The following POU3F3 variants were observed in gnomAD, a reference collection of about 807,000 sequenced individuals.
POU3F3 encodes the protein POU domain, class 3, transcription factor 3.
A neutral mutation model predicts 8.6 loss-of-function variants in POU3F3; 1 was observed. The ratio of observed to expected loss-of-function variants is 0.12; its 90% CI spans 0.04 to 0.55. The LOEUF (loss-of-function observed/expected upper bound fraction) is 0.55. POU3F3 is among the 20% of genes least tolerant of loss of function. The probability of loss-of-function intolerance (pLI) is 0.91; values close to 1 mark genes in which losing one functional copy is unlikely to be tolerated. For missense variants in POU3F3, 577 were observed against 690.7 expected, an observed-to-expected ratio of 0.84 and a Z score of 1.84; for synonymous variants, 418 against 327.4, an observed-to-expected ratio of 1.28 and a Z score of -2.99.
At chr2:104,912,209 A>G in the POU3F3 span, among the ~76,000 whole-genome samples, 22 of 152,228 alleles carry the variant, frequency 1.4e-4, no homozygotes, top group African/African-American at 4.6e-4. Context: ...GCAAGCATCA[A>G]GCACAGAACC....
chr2:104,872,619 G>T, the POU3F3 span: 2 of 262,852 alleles, frequency 7.6e-6, no homozygotes, highest in South Asian at 3.5e-5. The surrounding 1 kb of genome is among the most constrained non-coding windows in gnomAD (Gnocchi z 4.6). Context: ...CTCGGCGCGC[G>T]CGGAAACCCA....
rs1332871551 is a variant in POU3F3, at chr2:104,857,802, C to T, written c.*789C>T. On this transcript the variant is annotated 3_prime_UTR_variant, in exon 1 of 1. Coordinates refer to ENST00000361360, the MANE Select transcript of POU3F3 (RefSeq NM_006236.3). ...ATTGACAGCTTCTGAAACTAACAGA[C>T]TGAATAGCAAAGCCAAAAGAAAAGT... The T allele has an allele frequency of 6.6e-6, 1 of 152,230 alleles. No individual in the cohort carries two copies. The highest frequency in any genetic ancestry group is 1.5e-5 in the Non-Finnish European group (1 of 68,046). 9.4% of individuals were successfully genotyped at this position (152,230 alleles called of 1,614,324 possible).
chr2:104,883,348 C>T, the POU3F3 span, among the ~76,000 whole-genome samples: 3 of 152,232 alleles, frequency 2.0e-5, no homozygotes, highest in African/African-American at 2.4e-5. Flanking sequence ...CCTGGATTCA[C>T]TTTGAGCAAT....
chr2:104,893,956 C>T, the POU3F3 span, among the ~76,000 whole-genome samples: 1 of 151,136 alleles, frequency 6.6e-6, no homozygotes, highest in Non-Finnish European at 1.5e-5. Context: ...GTGCTTCAAT[C>T]ATGTTAGCTC....
chr2:104,916,806 G>A, the POU3F3 span, among the ~76,000 whole-genome samples: 13 of 152,286 alleles, frequency 8.5e-5, no homozygotes, highest in South Asian at 1.0e-3. Flanking sequence ...ACACTGCTGC[G>A]AAGGTTAATC....
At chr2:104,874,438 A>T in the POU3F3 span, among the ~76,000 whole-genome samples, 3 of 152,052 alleles carry the variant, frequency 2.0e-5, no homozygotes, top group African/African-American at 4.8e-5. Flanking sequence ...GGATTAGGAG[A>T]ACTGGGTGGA....
downstream of POU3F3, among the ~76,000 whole-genome samples, chr2:104,863,480 G>C (rs1676691372): frequency 6.6e-6 from 1 of 152,070 alleles, no homozygotes; most frequent in Non-Finnish European, 1.5e-5. Flanking sequence ...CCGTTCTGGG[G>C]GTGCAGCCTC....
chr2:104,854,869 C>A lies in POU3F3; in HGVS notation c.-642C>A, dbSNP rs1676515901. 6.6e-6 allele frequency among the ~76,000 whole-genome samples: 1 copy of A among 152,102 alleles called. No homozygotes were observed. Among genetic ancestry groups the A allele is most frequent in the African/African-American group, 2.4e-5 (1 of 41,438 alleles). On this transcript the variant is annotated 5_prime_UTR_variant, in exon 1 of 1. Transcript: ENST00000361360. The surrounding 1 kb of genome is among the most constrained non-coding windows in gnomAD (Gnocchi z 4.5). ...GAGGAGAGGAGAGGAGAGGAGAGAG[C>A]GGACAAGAGAAGGAGCGGGCCGGTT...
At chr2:104,905,741 C>G in the POU3F3 span, among the ~76,000 whole-genome samples, 1 of 152,176 alleles carries the variant, frequency 6.6e-6, no homozygotes, top group Admixed American at 6.5e-5. Context: ...CTCTGCAGGA[C>G]GCCATCTTCC....
rs754300848 is a variant in POU3F3 at position 104,855,818 on chromosome 2, A to ACGCCGC, written c.324_329dup (p.Ala114_Ala115dup). ...CACCAGTGGGTCACAGCCCTGCCCC[A>ACGCCGC]CGCCGCCGCCGCCGCCGCCGCTGCC... On this transcript the variant is annotated inframe_insertion, in exon 1 of 1. Transcript: ENST00000361360. The ACGCCGC allele has an allele frequency of 2.0e-5, 23 of 1,123,350 alleles. No individual in the cohort carries two copies. Among genetic ancestry groups the ACGCCGC allele is most frequent in the East Asian group, 7.2e-5 (1 of 13,868 alleles). 69.6% of individuals were successfully genotyped at this position (1,123,350 alleles called of 1,614,324 possible).
At chr2:104,883,288 C>G in the POU3F3 span, among the ~76,000 whole-genome samples, 101 of 152,358 alleles carry the variant, frequency 6.6e-4, 2 homozygotes, top group South Asian at 0.02. Flanking sequence ...ACCCCTCCCC[C>G]CAGGCACATC....
chr2:104,910,896 A>G, the POU3F3 span, among the ~76,000 whole-genome samples: 6 of 152,240 alleles, frequency 3.9e-5, no homozygotes, highest in Admixed American at 3.9e-4. Context: ...CAATAAAAAA[A>G]TACAAATTTA....
At chr2:104,889,378 C>T in the POU3F3 span, among the ~76,000 whole-genome samples, 1 of 152,160 alleles carries the variant, frequency 6.6e-6, no homozygotes. Flanking sequence ...CCAGGTTCCA[C>T]CCAGGAAGAG....
At chr2:104,925,582 C>A in the POU3F3 span, among the ~76,000 whole-genome samples, 1 of 151,964 alleles carries the variant, frequency 6.6e-6, no homozygotes, top group African/African-American at 2.4e-5. Context: ...CATGCAGAAC[C>A]TAGAGAAGGT....
chr2:104,907,047 C>T, the POU3F3 span, among the ~76,000 whole-genome samples: 1 of 152,134 alleles, frequency 6.6e-6, no homozygotes. Context: ...TGGCATATTG[C>T]ACGCGAAAAA....
At chr2:104,861,630 G>A (rs1386097671), downstream of POU3F3, among the ~76,000 whole-genome samples, 1 of 152,230 alleles carries the variant, frequency 6.6e-6, no homozygotes, top group Non-Finnish European at 1.5e-5. Flanking sequence ...AAAAAAATTA[G>A]ATGATCTATA....
At chr2:104,872,634 G>A in the POU3F3 span, 30 of 264,328 alleles carry the variant, frequency 1.1e-4, no homozygotes, top group Non-Finnish European at 1.8e-4. This position sits in a 1 kb window ranked among gnomAD's most constrained non-coding sequence, Gnocchi z 4.6. Flanking sequence ...AACCCAGGCC[G>A]CGGGCTCCCC....
At chr2:104,868,083 T>C in the POU3F3 span, 6 of 358,848 alleles carry the variant, frequency 1.7e-5, no homozygotes, top group African/African-American at 1.1e-4. Flanking sequence ...AGAGTTGAAA[T>C]CAACGCAGGA....
chr2:104,920,408 C>A, the POU3F3 span, among the ~76,000 whole-genome samples: 3 of 152,132 alleles, frequency 2.0e-5, no homozygotes, highest in Non-Finnish European at 4.4e-5. Context: ...CCCCTTCCAT[C>A]CCTGCTTGCC....
Sources: allele counts gnomAD v4.1 joint callset (sites outside exome capture counted in the v4.1 genomes callset), GRCh38; gene constraint gnomAD v4.1.1; non-coding constraint Gnocchi (gnomAD v3.1); transcripts MANE v1.5; gene names NCBI Gene and HGNC (gene_info 2026-07-23, HGNC 2026-07-21).